NEO1: variants seen among roughly 807,000 people sequenced by gnomAD.
NEO1 encodes the protein neogenin 1.
In NEO1, 63 loss-of-function variants were observed where a neutral mutation model predicts 159.7. That is an observed-to-expected ratio of 0.39 (90% CI 0.32 to 0.49). NEO1 has a LOEUF of 0.49. Ranked by LOEUF, NEO1 falls within the 20% of genes least tolerant of loss-of-function variation. The pLI is 0.85. For synonymous variants in NEO1, 633 were observed against 662.0 expected (o/e 0.96, Z 0.67); for missense variants, 1,615 against 1,831.0 (o/e 0.88, Z 2.15).
chr15:73,106,576 C>T (rs2070704818), intron 1 of NEO1, among the ~76,000 whole-genome samples: 2 of 152,132 alleles, frequency 1.3e-5, no homozygotes, highest in Non-Finnish European at 2.9e-5. Flanking sequence ...CCAATAACTA[C>T]ATGTCACACA....
At chr15:73,230,788 C>G (rs2038865939) in intron 7 of NEO1, among the ~76,000 whole-genome samples, 1 of 152,102 alleles carries the variant, frequency 6.6e-6, no homozygotes, top group African/African-American at 2.4e-5. Context: ...GATGGGGTCT[C>G]ACTATGTTGC....
chr15:73,077,196 A>G lies in NEO1; in HGVS notation c.130+24391A>G, dbSNP rs547295799. ...GTAGCTGGGATTACAGGTGCCCGCC[A>G]CCACGCCTGGCTAATTTTTGTATTT... On this transcript the variant is annotated intron_variant, in intron 1 of 28. Transcript: ENST00000261908. Among the ~76,000 whole-genome samples the G allele has an allele frequency of 6.6e-5, 10 of 152,182 alleles. No homozygotes were observed. The South Asian group carries it at 1.9e-3, about 28-fold the overall frequency.
chr15:73,177,202 T>G (rs1426065825), intron 6 of NEO1, among the ~76,000 whole-genome samples: 1 of 152,128 alleles, frequency 6.6e-6, no homozygotes, highest in Non-Finnish European at 1.5e-5. Flanking sequence ...TCTTAGATAT[T>G]ACCTACTATT....
intron 9 of NEO1, among the ~76,000 whole-genome samples, chr15:73,248,557 CA>C (rs1212634829): frequency 6.6e-6 from 1 of 152,186 alleles, no homozygotes; most frequent in Non-Finnish European, 1.5e-5. Context: ...AATTCTTCAT[CA>C]AAGGGGTTTC....
chr15:73,293,510 G>A lies in NEO1; in HGVS notation c.3863G>A (p.Gly1288Asp), dbSNP rs778100035. ...LYHPGSPWPIGTSMSLSDRAN... is the reference protein window; with the variant it reads ...LYHPGSPWPIDTSMSLSDRAN... The stretch of plus-strand genomic sequence containing the variant: ...CACCCGGGCAGCCCATGGCCCATTG[G>A]CACATCCATGTCCCTTTCAGACAGG... Residue 1288 changes from glycine to aspartate, a missense_variant, in exon 26 of 29, where the codon GGC becomes GAC. By Grantham distance (94) the Gly-to-Asp change is moderately conservative. Coordinates refer to ENST00000261908, the MANE Select transcript of NEO1 (RefSeq NM_002499.4). The A allele has an allele frequency of 1.2e-6, 2 of 1,614,108 alleles. No individual in the cohort carries two copies. The highest frequency in any genetic ancestry group is 1.7e-6 in the Non-Finnish European group (2 of 1,180,018).
At chr15:73,204,415 A>G (rs1474911857) in intron 7 of NEO1, among the ~76,000 whole-genome samples, 3 of 152,096 alleles carry the variant, frequency 2.0e-5, no homozygotes, top group Admixed American at 6.6e-5. Context: ...TGATATTCCA[A>G]TTAGATGTAC....
chr15:73,075,209 C>A (rs913970399), intron 1 of NEO1, among the ~76,000 whole-genome samples: 1 of 152,100 alleles, frequency 6.6e-6, no homozygotes, highest in South Asian at 2.1e-4. Flanking sequence ...TTAAATAGAA[C>A]GTCCAGCAGC....
At position 73,206,614 on chromosome 15, in the gene NEO1, G is replaced by GT. The variant is rs547474499; in HGVS notation, c.1291+28194dup. ...TTTGTTGTTGTTGTTGTTTTGTTTT[G>GT]TTTTTTTAATTACTCATGTATTTTC... On this transcript the variant is annotated intron_variant, in intron 7 of 28. Transcript: ENST00000261908. 5.2e-4 allele frequency among the ~76,000 whole-genome samples: 79 copies of GT among 151,954 alleles called. 1 individual carries two copies. The South Asian group carries it at 0.013, about 25-fold the overall frequency.
chr15:73,273,719 A>G, intron 19 of NEO1, 92 bp from the exon 20 acceptor site: 3 of 865,630 alleles, frequency 3.5e-6, no homozygotes, highest in Non-Finnish European at 5.4e-6. Flanking sequence ...ATGCTATAAT[A>G]TTCATATGAT....
chr15:73,245,836 C>T (rs1324375093), intron 9 of NEO1, among the ~76,000 whole-genome samples: 3 of 151,996 alleles, frequency 2.0e-5, no homozygotes, highest in African/African-American at 7.3e-5. Context: ...CCGCCTCGGC[C>T]TCGCAAAGTG....
At chr15:73,081,047 A>G (rs890627917) in intron 1 of NEO1, among the ~76,000 whole-genome samples, 3 of 152,208 alleles carry the variant, frequency 2.0e-5, no homozygotes, top group African/African-American at 7.2e-5. Context: ...TTGAGATTAA[A>G]GTCTTTATCT....
chr15:73,077,796 G>A (rs929971411), intron 1 of NEO1, among the ~76,000 whole-genome samples: 3 of 152,164 alleles, frequency 2.0e-5, no homozygotes, highest in Non-Finnish European at 4.4e-5. Flanking sequence ...TGCTGTAAAA[G>A]GGGTGCAGAG....
intron 5 of NEO1, among the ~76,000 whole-genome samples, chr15:73,175,576 C>T (rs989176213): frequency 2.0e-5 from 3 of 152,164 alleles, no homozygotes; most frequent in Admixed American, 6.6e-5. Flanking sequence ...AAGCTGCTGT[C>T]GTTGCCATTG....
rs547643849 is a variant in NEO1, at chr15:73,155,028, T to A, written c.1015+19001T>A. ...TATAAAGTCTTTGTGTTTTTTTTTT[T>A]AACTTGTGTTGTCATGGTGGTGAAT... On this transcript the variant is annotated intron_variant, in intron 5 of 28. Coordinates refer to ENST00000261908, the MANE Select transcript of NEO1 (RefSeq NM_002499.4). 4.2e-4 allele frequency among the ~76,000 whole-genome samples: 64 copies of A among 152,146 alleles called. 1 individual carries two copies. The highest frequency in any genetic ancestry group is 6.8e-3 in the Middle Eastern group (2 of 294).
intron 7 of NEO1, among the ~76,000 whole-genome samples, chr15:73,206,034 A>G (rs1423755176): frequency 3.0e-4 from 46 of 151,774 alleles, no homozygotes; most frequent in Admixed American, 2.9e-3. Flanking sequence ...CAGCCTCTTG[A>G]GTAGCTGGGC....
intron 1 of NEO1, among the ~76,000 whole-genome samples, chr15:73,094,487 G>A (rs968759200): frequency 2.6e-5 from 4 of 152,064 alleles, no homozygotes; most frequent in East Asian, 3.9e-4. Flanking sequence ...GTTTATTTGC[G>A]TGTTTATACC....
In NEO1 at chr15:73,066,270, C is replaced by A. The variant is rs10162948; in HGVS notation, c.130+13465C>A. Among the ~76,000 whole-genome samples the A allele has an allele frequency of 3.3e-5, 5 of 149,768 alleles. No homozygotes were observed. In the East Asian group the frequency reaches 9.8e-4, roughly 29 times the overall value. On this transcript the variant is annotated intron_variant, in intron 1 of 28. Coordinates refer to ENST00000261908, the MANE Select transcript of NEO1 (RefSeq NM_002499.4). ...TCCTGACCTCGTGATCCACCCACCT[C>A]GGCCTCCCAAAGTGCTGGGATTACA...
chr15:73,068,453 C>G (rs916602333), intron 1 of NEO1, among the ~76,000 whole-genome samples: 3 of 152,082 alleles, frequency 2.0e-5, no homozygotes, highest in Non-Finnish European at 1.5e-5. Context: ...CTCAAGTCAT[C>G]CACGTGCCTT....
chr15:73,263,419 T>G (rs908474663), intron 15 of NEO1, among the ~76,000 whole-genome samples: 1 of 152,164 alleles, frequency 6.6e-6, no homozygotes, highest in African/African-American at 2.4e-5. Context: ...GGTCTCAAAC[T>G]CCTGACCTCA....
Sources: gnomAD v4.1 joint callset for allele counts (sites outside exome capture counted in the v4.1 genomes callset) on GRCh38, gnomAD v4.1.1 for gene constraint, MANE v1.5 for transcripts, NCBI Gene and HGNC (gene_info 2026-07-23, HGNC 2026-07-21) for gene names.